Variants in LRP3 observed in about 807,000 individuals in gnomAD.
LRP3 encodes the protein LDL receptor related protein 3, also known as low-density lipoprotein receptor-related protein 3.
Under a neutral mutation model 58.5 loss-of-function variants are expected in LRP3, and 49 were observed. The ratio of observed to expected loss-of-function variants is 0.84; its 90% CI spans 0.67 to 1.06. The LOEUF is 1.06. Among genes scored for constraint, LRP3 ranks in the 50% least tolerant of loss-of-function variants. LRP3 has a pLI of 0.00. For missense variants in LRP3, 1,019 were observed against 1,134.2 expected (o/e 0.90, Z 1.46); for synonymous variants, 485 against 492.2 (o/e 0.99, Z 0.20).
chr19:33,205,614 T>C lies in LRP3; in HGVS notation c.844T>C (p.Cys282Arg), dbSNP rs758237488. 6.2e-7 allele frequency: 1 copy of C among 1,611,288 alleles called. No homozygotes were observed. The highest frequency in any genetic ancestry group is 1.7e-5 in the Admixed American group (1 of 59,980). Residue 282 changes from cysteine to arginine, a missense_variant, in exon 5 of 7, where the codon TGC (cysteine) becomes CGC (arginine). Physicochemically the swap from Cys to Arg is radical, Grantham distance 180. Coordinates refer to ENST00000253193, the MANE Select transcript of LRP3 (RefSeq NM_002333.4). ...GAARGPSDLH[C>R]TWLVDTQDSR... ...CGCTCGCGGGCCCTCAGACCTTCAC[T>C]GCACGTGGCTGGTGGACACACAGGA...
intron 2 of LRP3, among the ~76,000 whole-genome samples, chr19:33,201,078 C>T (rs1321589081): frequency 6.6e-6 from 1 of 152,344 alleles, no homozygotes; most frequent in Non-Finnish European, 1.5e-5. Context: ...GACCCGTCCA[C>T]TCAGGGACCC....
At position 33,194,814 on chromosome 19, in the gene LRP3, AGGGCGCGCC is replaced by A. The variant is rs1180086282; in HGVS notation, c.36_44del (p.Pro13_Ala15del). On this transcript the variant is annotated inframe_deletion, in exon 1 of 7. Coordinates refer to ENST00000253193, the MANE Select transcript of LRP3 (RefSeq NM_002333.4). ...GAGAAGCGCGCGGCCGCGGGGCTGG[AGGGCGCGCC>A]GGGCGCCCGGGCGCAGCTGGCCGTC... The A allele has an allele frequency of 1.8e-5, 19 of 1,071,682 alleles. No individual in the cohort carries two copies. Among genetic ancestry groups the A allele is most frequent in the Non-Finnish European group, 1.9e-5 (17 of 887,830 alleles). 66.4% of individuals were successfully genotyped at this position (1,071,682 alleles called of 1,614,324 possible).
rs560524169 is a variant in LRP3 at position 33,207,751 on chromosome 19, G to C, written c.*176G>C. The C allele has an allele frequency of 3.2e-3, 1,534 of 482,374 alleles. 13 individuals carry two copies. In the African/African-American group the frequency reaches 0.037, roughly 12 times the overall value. The allele number at this position is 482,374 out of a possible 1,614,324, so 29.9% of individuals were successfully genotyped here. On this transcript the variant is annotated 3_prime_UTR_variant, in exon 7 of 7. Coordinates refer to ENST00000253193, the MANE Select transcript of LRP3 (RefSeq NM_002333.4). ...TGGGCGGGAGCTGTGGGACTGAACG[G>C]CGGGGGGGAGAAGAGTGGAGTGGTG...
At position 33,204,698 on chromosome 19, in the gene LRP3, C is replaced by A; in HGVS notation, c.321C>A (p.Gly107=). Residue 107 remains glycine, a synonymous_variant, in exon 4 of 7, where the codon GGC becomes GGA. Transcript: ENST00000253193. ...GCTCCCTGGACTGGCTCCTGCTGGG[C>A]CCAGCAGCCCCACCCCGCCAGGAGG... The part of the protein sequence containing the change: ...HQCSLDWLLL[G]PAAPPRQEAF... The A allele has an allele frequency of 6.2e-7, 1 of 1,609,598 alleles. No homozygotes were observed. The highest frequency in any genetic ancestry group is 8.5e-7 in the Non-Finnish European group (1 of 1,179,912).
Position 33,207,034 on chromosome 19 carries a change from G to A in LRP3, c.1772G>A (p.Arg591His), listed in dbSNP as rs764974979. Reference protein sequence around the residue: ...NLRTAMRRQMRRHASRRGPSR... With the variant: ...NLRTAMRRQMHRHASRRGPSR... ...CGCACAGCCATGCGGAGACAGATGCGTCGGCACGCCTCCCGCCGGGGGCCC... is the reference window on the plus strand; with the variant it reads ...CGCACAGCCATGCGGAGACAGATGCATCGGCACGCCTCCCGCCGGGGGCCC... Residue 591 changes from arginine (R) to histidine (H), a missense_variant, in exon 7 of 7, where the codon CGT becomes CAT. Physicochemically the swap from Arg to His is conservative, Grantham distance 29 (BLOSUM62 0). Around this residue, in one of 2 missense-constraint regions of LRP3, gnomAD observed 427 missense variants for 408.6 expected, o/e 1.04. Coordinates refer to ENST00000253193, the MANE Select transcript of LRP3 (RefSeq NM_002333.4). The A allele has an allele frequency of 8.8e-6, 13 of 1,484,292 alleles. No individual in the cohort carries two copies. The highest frequency in any genetic ancestry group is 2.9e-5 in the African/African-American group (2 of 69,566). The allele number at this position is 1,484,292 out of a possible 1,614,324, so 91.9% of individuals were successfully genotyped here. A position where few individuals can be genotyped will look rare whatever the true frequency, so the allele number is the denominator to read the frequency against.
intron 1 of LRP3, among the ~76,000 whole-genome samples, chr19:33,196,198 C>T (rs1346211675): frequency 1.3e-5 from 2 of 152,138 alleles, no homozygotes; most frequent in East Asian, 3.9e-4. Flanking sequence ...AACTGCCTCC[C>T]CTCCTGCCTC....
chr19:33,204,999 C>G (rs958945170), intron 4 of LRP3, 147 bp downstream of exon 4: 4 of 789,226 alleles, frequency 5.1e-6, no homozygotes, highest in Non-Finnish European at 8.0e-6. Flanking sequence ...AGGACAGTGG[C>G]AGGACTGGGC....
rs762762185 is a variant in LRP3, at chr19:33,206,303, G to GC, written c.1534dup (p.Leu512ProfsTer32). 4 of 1,598,286 alleles carry GC rather than the reference G, an allele frequency of 2.5e-6. No homozygotes were observed. The highest frequency in any genetic ancestry group is 3.4e-6 in the Non-Finnish European group (4 of 1,171,646). On this transcript the variant is annotated frameshift_variant, in exon 5 of 7. Coordinates refer to ENST00000253193, the MANE Select transcript of LRP3 (RefSeq NM_002333.4). LOFTEE classifies it high-confidence loss of function. ...TTGGCAGCCTGGTGTGTGGCCTGCT[G>GC]CTGGTCATCGCGCTGGGCTGCGCCT...
At chr19:33,199,273 C>T (rs1974317085) in intron 2 of LRP3, among the ~76,000 whole-genome samples, 1 of 152,134 alleles carries the variant, frequency 6.6e-6, no homozygotes, top group African/African-American at 2.4e-5. Flanking sequence ...CAACCCCTGA[C>T]CCTGTGCCCT....
At chr19:33,205,008 G>A in intron 4 of LRP3, 156 bp downstream of exon 4, 2 of 765,732 alleles carry the variant, frequency 2.6e-6, no homozygotes, top group South Asian at 3.6e-5. Context: ...GCAGGACTGG[G>A]CATGCGGATG....
At position 33,205,265 on chromosome 19, in the gene LRP3, C is replaced by T; in HGVS notation, c.495C>T (p.Ser165=). ...CCACAGGGAAGCTGGGCCAGGCATC[C>T]TGCCAGGCAGATGAGTTCCGCTGTG... is the stretch of plus-strand genomic sequence containing the variant. ...SYIRGKLGQA[S]CQADEFRCDN... is the part of the protein sequence containing the mutation. Residue 165 remains serine (S), a synonymous_variant, in exon 5 of 7, where the codon TCC becomes TCT. Transcript: ENST00000253193. 6.2e-7 allele frequency: 1 copy of T among 1,609,440 alleles called. No homozygotes were observed. Among genetic ancestry groups the T allele is most frequent in the Non-Finnish European group, 8.5e-7 (1 of 1,178,446 alleles).
intron 2 of LRP3, among the ~76,000 whole-genome samples, chr19:33,197,613 C>G (rs1287575075): frequency 6.6e-6 from 1 of 152,142 alleles, no homozygotes; most frequent in Non-Finnish European, 1.5e-5. Flanking sequence ...GGTGACAGAG[C>G]GAGACCCTGT....
Position 33,204,710 on chromosome 19 carries a change from AC to A in LRP3, c.337del (p.Arg113AlafsTer222). The A allele has an allele frequency of 1.2e-6, 2 of 1,609,178 alleles. No homozygotes were observed. The highest frequency in any genetic ancestry group is 8.5e-7 in the Non-Finnish European group (1 of 1,179,696). On this transcript the variant is annotated frameshift_variant, in exon 4 of 7. Coordinates refer to ENST00000253193, the MANE Select transcript of LRP3 (RefSeq NM_002333.4). LOFTEE classifies it high-confidence loss of function. ...GGCTCCTGCTGGGCCCAGCAGCCCC[AC>A]CCCGCCAGGAGGCCTTCCGCCTCTG... The part of the protein sequence containing the change: ...DWLLLGPAAP[P>X]RQEAFRLCGS...
In LRP3 at chr19:33,206,325, G is replaced by T; in HGVS notation, c.1555G>T (p.Ala519Ser). The change falls in exon 5 of 7, where the codon GCC (alanine) becomes TCC (serine). Residue 519 changes from alanine (A) to serine (S), a missense_variant. Ala to Ser is a moderately conservative substitution (Grantham distance 99, BLOSUM62 1). Coordinates refer to ENST00000253193, the MANE Select transcript of LRP3 (RefSeq NM_002333.4). ...GLLLVIALGC[A>S]FKLYSLRTQE... is the part of the protein sequence containing the mutation. ...GCTGCTGGTCATCGCGCTGGGCTGCGCCTTCAAGCTCTACTCACTGCGCAC... is the reference window on the plus strand; with the variant it reads ...GCTGCTGGTCATCGCGCTGGGCTGCTCCTTCAAGCTCTACTCACTGCGCAC... The T allele has an allele frequency of 6.3e-7, 1 of 1,599,988 alleles. No individual in the cohort carries two copies. Among genetic ancestry groups the T allele is most frequent in the Non-Finnish European group, 8.5e-7 (1 of 1,173,354 alleles).
intron 2 of LRP3, among the ~76,000 whole-genome samples, chr19:33,199,099 C>T (rs1041644324): frequency 2.0e-5 from 3 of 152,190 alleles, no homozygotes; most frequent in African/African-American, 7.2e-5. Flanking sequence ...GAAGCTCAGA[C>T]AGACCTCTTG....
Position 33,206,023 on chromosome 19 carries a change from C to T in LRP3, c.1253C>T (p.Pro418Leu), listed in dbSNP as rs1307317684. 1.4e-5 allele frequency: 22 copies of T among 1,586,152 alleles called. No individual in the cohort carries two copies. In the Admixed American group the frequency reaches 3.4e-4, roughly 25 times the overall value. The change falls in exon 5 of 7, where the codon CCC becomes CTC. Residue 418 changes from proline to leucine, a missense_variant. Physicochemically the swap from Pro to Leu is moderately conservative, Grantham distance 98. Around this residue, in one of 2 missense-constraint regions of LRP3, gnomAD observed 592 missense variants for 725.5 expected, o/e 0.82. Transcript: ENST00000253193. ...RDEQGCPACP[P>L]DQYPCEGGSG... ...GAGCAGGGCTGCCCTGCCTGCCCGC[C>T]CGACCAGTACCCCTGCGAGGGTGGC...
At chr19:33,200,643 G>C (rs1974332293) in intron 2 of LRP3, among the ~76,000 whole-genome samples, 1 of 152,228 alleles carries the variant, frequency 6.6e-6, no homozygotes, top group Non-Finnish European at 1.5e-5. Context: ...CCAGGCTGGG[G>C]CCGGGGCCAC....
At position 33,207,348 on chromosome 19, in the gene LRP3, G is replaced by A. The variant is rs750512562; in HGVS notation, c.2086G>A (p.Val696Met). Residue 696 changes from valine to methionine, a missense_variant, in exon 7 of 7, where the codon GTG becomes ATG. Val to Met is a conservative substitution (Grantham distance 21). This residue lies in a region of LRP3 where 427 missense variants were observed against 408.6 expected (regional missense o/e 1.04). Transcript: ENST00000253193. ...SGLRDPECRP[V>M]DKDRKVCREP... The stretch of plus-strand genomic sequence containing the variant: ...CCTGCGAGACCCAGAGTGCAGGCCC[G>A]TGGACAAGGACAGAAAGGTCTGCAG... 15 of 1,585,894 alleles carry A rather than the reference G, an allele frequency of 9.5e-6. No individual in the cohort carries two copies. The highest frequency in any genetic ancestry group is 2.7e-5 in the African/African-American group (2 of 74,846).
In LRP3 at chr19:33,207,032, G is replaced by C; in HGVS notation, c.1770G>C (p.Met590Ile). 6.7e-7 allele frequency: 1 copy of C among 1,483,248 alleles called. No homozygotes were observed. The allele number at this position is 1,483,248 out of a possible 1,614,324, so 91.9% of individuals were successfully genotyped here. A position where few individuals can be genotyped will look rare whatever the true frequency, so the allele number is the denominator to read the frequency against. The change falls in exon 7 of 7, where the codon ATG (methionine) becomes ATC (isoleucine). Residue 590 changes from methionine (M) to isoleucine (I), a missense_variant. Around this residue, in one of 2 missense-constraint regions of LRP3, gnomAD observed 427 missense variants for 408.6 expected, o/e 1.04. Transcript: ENST00000253193. ...TTCGCACAGCCATGCGGAGACAGATGCGTCGGCACGCCTCCCGCCGGGGGC... is the reference window on the plus strand; with the variant it reads ...TTCGCACAGCCATGCGGAGACAGATCCGTCGGCACGCCTCCCGCCGGGGGC... ...QNLRTAMRRQMRRHASRRGPS... is the reference protein window; with the variant it reads ...QNLRTAMRRQIRRHASRRGPS...
Sources: allele counts gnomAD v4.1 joint callset (sites outside exome capture counted in the v4.1 genomes callset), GRCh38; gene constraint gnomAD v4.1.1; regional missense constraint gnomAD v4.1.1; transcripts MANE v1.5; gene names NCBI Gene and HGNC (gene_info 2026-07-23, HGNC 2026-07-21).